FGF12: variants seen among roughly 807,000 people sequenced by gnomAD.
The protein encoded by FGF12 is fibroblast growth factor 12B.
Under a neutral mutation model 23.6 loss-of-function variants are expected in FGF12, and 14 were observed. That is an observed-to-expected ratio of 0.59 (90% confidence interval 0.39 to 0.93). FGF12 has a LOEUF of 0.93. Ranked by LOEUF, FGF12 falls within the 40% of genes least tolerant of loss-of-function variation. The pLI is 0.00. For synonymous variants in FGF12, 62 were observed against 77.3 expected, an observed-to-expected ratio of 0.80 and a Z score of 1.04; for missense variants, 175 against 217.8, an observed-to-expected ratio of 0.80 and a Z score of 1.24.
chr3:192,514,851 G>A lies in FGF12; in HGVS notation c.14-154313C>T, dbSNP rs1306738169. ...CCTGTCTTCGGAAGCCGGGTCCCGA[G>A]TCCATCGCGCGCGCCCAGGTGGAGG... On this transcript the variant is annotated intron_variant, in intron 2 of 5. Transcript: ENST00000445105. This position sits in a 1 kb window ranked among gnomAD's most constrained non-coding sequence, Gnocchi z 4.9. The A allele has an allele frequency of 2.4e-5, 24 of 985,322 alleles. No individual in the cohort carries two copies. Among genetic ancestry groups the A allele is most frequent in the Non-Finnish European group, 2.9e-5 (24 of 829,888 alleles). 61.0% of individuals were successfully genotyped at this position (985,322 alleles called of 1,614,324 possible).
At chr3:192,314,931 C>A (rs923800201) in intron 4 of FGF12, among the ~76,000 whole-genome samples, 1 of 152,064 alleles carries the variant, frequency 6.6e-6, no homozygotes, top group Non-Finnish European at 1.5e-5. Flanking sequence ...ATAGGTGCCA[C>A]CAATAATTAT....
intron 3 of FGF12, among the ~76,000 whole-genome samples, chr3:192,346,986 G>T (rs929393707): frequency 6.6e-6 from 1 of 151,856 alleles, no homozygotes; most frequent in Non-Finnish European, 1.5e-5. Flanking sequence ...AAAAATTGAA[G>T]AAAAAAACCA....
intron 2 of FGF12, among the ~76,000 whole-genome samples, chr3:192,695,700 T>C (rs924366652): frequency 1.3e-5 from 2 of 152,184 alleles, no homozygotes; most frequent in African/African-American, 4.8e-5. Context: ...TCACTCAAAG[T>C]ATGATTCCTA....
chr3:192,254,928 A>G (rs1302592841), intron 4 of FGF12, among the ~76,000 whole-genome samples: 2 of 152,070 alleles, frequency 1.3e-5, no homozygotes, highest in Non-Finnish European at 2.9e-5. Context: ...AATTTTTGCT[A>G]AGTTTCAAAA....
intron 5 of FGF12, among the ~76,000 whole-genome samples, chr3:192,167,771 A>ATTTTTTT (rs1560175808): frequency 4.7e-5 from 1 of 21,312 alleles, no homozygotes; most frequent in African/African-American, 1.7e-4. Context: ...ATATATATAA[A>ATTTTTTT]ATTTTTTTTT....
At chr3:192,212,854 G>T (rs997353036) in intron 4 of FGF12, among the ~76,000 whole-genome samples, 3 of 152,096 alleles carry the variant, frequency 2.0e-5, no homozygotes, top group African/African-American at 4.8e-5. Context: ...TCAAAAGCTG[G>T]TCCTTGAGCT....
chr3:192,531,888 T>C (rs1489832084), intron 2 of FGF12, among the ~76,000 whole-genome samples: 1 of 152,192 alleles, frequency 6.6e-6, no homozygotes, highest in Admixed American at 6.5e-5. Context: ...TTTTAGTCCA[T>C]GGTCTTCCTA....
intron 2 of FGF12, among the ~76,000 whole-genome samples, chr3:192,540,042 TCTTA>T (rs1467840052): frequency 6.6e-6 from 1 of 152,028 alleles, no homozygotes; most frequent in Non-Finnish European, 1.5e-5. Flanking sequence ...CTCTTTTCTT[TCTTA>T]GTCTGGCCAA....
chr3:192,314,377 T>C (rs1316827782), intron 4 of FGF12, among the ~76,000 whole-genome samples: 1 of 152,220 alleles, frequency 6.6e-6, no homozygotes, highest in African/African-American at 2.4e-5. Context: ...TGTAGTTTTA[T>C]CCAAGGATTC....
chr3:192,719,768 T>C (rs1176271374), intron 2 of FGF12, among the ~76,000 whole-genome samples: 1 of 142,582 alleles, frequency 7.0e-6, no homozygotes, highest in African/African-American at 2.6e-5. Context: ...TATTATAATA[T>C]GTGAAAGAGA....
intron 2 of FGF12, among the ~76,000 whole-genome samples, chr3:192,690,402 A>G (rs1717903835): frequency 6.6e-6 from 1 of 152,010 alleles, no homozygotes; most frequent in South Asian, 2.1e-4. Context: ...TGTGACATCA[A>G]CAACATAAAA....
intron 4 of FGF12, among the ~76,000 whole-genome samples, chr3:192,277,979 T>C (rs1713906542): frequency 6.6e-6 from 1 of 152,120 alleles, no homozygotes; most frequent in South Asian, 2.1e-4. Context: ...GCCAGGCTAG[T>C]CCTGAACTCC....
At chr3:192,163,521 G>A (rs1310954426) in intron 5 of FGF12, among the ~76,000 whole-genome samples, 1 of 152,074 alleles carries the variant, frequency 6.6e-6, no homozygotes, top group African/African-American at 2.4e-5. Context: ...GGCCAGATTT[G>A]ACCAAAAGGA....
Position 192,142,282 on chromosome 3 carries a change from A to G in FGF12, c.*1727T>C, listed in dbSNP as rs542016358. 5 of 152,644 alleles carry G rather than the reference A, an allele frequency of 3.3e-5. No homozygotes were observed. The South Asian group carries it at 1.0e-3, about 32-fold the overall frequency. The allele number at this position is 152,644 out of a possible 1,614,324, so 9.5% of individuals were successfully genotyped here. Reference sequence around the variant, plus strand: ...CACTATTGAAGAATAATGATTGTGTAAAGTGAGGGAAACTATATTGACCTT... The same window carrying G: ...CACTATTGAAGAATAATGATTGTGTGAAGTGAGGGAAACTATATTGACCTT... On this transcript the variant is annotated 3_prime_UTR_variant, in exon 6 of 6. Transcript: ENST00000445105.
rs566014646 is a variant in FGF12, at chr3:192,604,760, G to C, written c.13+122421C>G. Among the ~76,000 whole-genome samples the C allele has an allele frequency of 2.6e-5, 4 of 152,104 alleles. No individual in the cohort carries two copies. The South Asian group carries it at 8.3e-4, about 32-fold the overall frequency. ...GCCTGAATAGCAAAAACAATCCTAAGCAAAAAGAACAAAGCCAGAGGAATC... is the reference window on the plus strand; with the variant it reads ...GCCTGAATAGCAAAAACAATCCTAACCAAAAAGAACAAAGCCAGAGGAATC... On this transcript the variant is annotated intron_variant, in intron 2 of 5. Coordinates refer to ENST00000445105, the MANE Select transcript of FGF12 (RefSeq NM_004113.6).
chr3:192,509,936 A>G (rs988836069), intron 2 of FGF12, among the ~76,000 whole-genome samples: 1 of 152,352 alleles, frequency 6.6e-6, no homozygotes, highest in Admixed American at 6.5e-5. Flanking sequence ...TAGATAATAC[A>G]CTAACTTAAA....
chr3:192,708,134 T>C (rs2108736226), intron 2 of FGF12, among the ~76,000 whole-genome samples: 1 of 152,130 alleles, frequency 6.6e-6, no homozygotes, highest in East Asian at 1.9e-4. Flanking sequence ...CAATTTTTTG[T>C]ATTTTTAGTA....
At position 192,592,403 on chromosome 3, in the gene FGF12, G is replaced by T. The variant is rs558884552; in HGVS notation, c.13+134778C>A. 5.3e-5 allele frequency among the ~76,000 whole-genome samples: 8 copies of T among 151,872 alleles called. 1 individual carries two copies. The South Asian group carries it at 1.7e-3, about 32-fold the overall frequency. On this transcript the variant is annotated intron_variant, in intron 2 of 5. Coordinates refer to ENST00000445105, the MANE Select transcript of FGF12 (RefSeq NM_004113.6). Reference sequence around the variant, plus strand: ...ACCAGCATCTCTGGCCCTTTCACGGGTCCTGGTAAAGTGGTATTTGCAAAC... The same window carrying T: ...ACCAGCATCTCTGGCCCTTTCACGGTTCCTGGTAAAGTGGTATTTGCAAAC...
At chr3:192,376,661 C>T (rs975917020) in intron 2 of FGF12, among the ~76,000 whole-genome samples, 27 of 152,276 alleles carry the variant, frequency 1.8e-4, no homozygotes, top group Admixed American at 1.4e-3. Flanking sequence ...CGCGCCTGAC[C>T]GCTATATAAT....
Sources: allele counts gnomAD v4.1 joint callset (sites outside exome capture counted in the v4.1 genomes callset), GRCh38; gene constraint gnomAD v4.1.1; non-coding constraint Gnocchi (gnomAD v3.1); transcripts MANE v1.5; gene names NCBI Gene and HGNC (gene_info 2026-07-23, HGNC 2026-07-21).